SLC24A2: variants seen among roughly 807,000 people sequenced by gnomAD.
SLC24A2 encodes the protein solute carrier family 24 member 2.
In SLC24A2, 36 loss-of-function variants were observed where a neutral mutation model predicts 62.0. The observed-to-expected ratio is 0.58, with a 90% CI of 0.44 to 0.77. The LOEUF (loss-of-function observed/expected upper bound fraction) is 0.77. Among genes scored for constraint, SLC24A2 ranks in the 30% least tolerant of loss-of-function variants. The probability of loss-of-function intolerance (pLI) is 0.00; values close to 1 mark genes in which losing one functional copy is unlikely to be tolerated. For synonymous variants in SLC24A2, 358 were observed against 294.0 expected (o/e 1.22, Z -2.23); for missense variants, 846 against 817.9 (o/e 1.03, Z -0.42).
chr9:19,909,205 C>T, the SLC24A2 span, among the ~76,000 whole-genome samples: 4 of 152,090 alleles, frequency 2.6e-5, no homozygotes, highest in South Asian at 2.1e-4. Flanking sequence ...AGCTGGAAAC[C>T]GTCATTCTCA....
chr9:19,744,766 C>T (rs1315435886), intron 2 of SLC24A2, among the ~76,000 whole-genome samples: 1 of 152,164 alleles, frequency 6.6e-6, no homozygotes, highest in Non-Finnish European at 1.5e-5. Context: ...TTTCACCTAT[C>T]CATCTAAACA....
intron 8 of SLC24A2, among the ~76,000 whole-genome samples, chr9:19,534,960 C>T (rs1833886232): frequency 6.6e-6 from 1 of 152,160 alleles, no homozygotes; most frequent in Admixed American, 6.5e-5. Context: ...GTTGAACTAA[C>T]TTACACCCCC....
the SLC24A2 span, among the ~76,000 whole-genome samples, chr9:20,060,273 G>C: frequency 6.6e-6 from 1 of 151,964 alleles, no homozygotes; most frequent in Non-Finnish European, 1.5e-5. Context: ...CCAAAAAATA[G>C]AAGAGAACGG....
the SLC24A2 span, among the ~76,000 whole-genome samples, chr9:20,218,863 G>A: frequency 1.3e-5 from 2 of 152,224 alleles, no homozygotes; most frequent in South Asian, 4.2e-4. Flanking sequence ...GTCTCATCAG[G>A]CTGCAATCCA....
intron 2 of SLC24A2, among the ~76,000 whole-genome samples, chr9:19,624,080 C>A (rs1021351288): frequency 6.6e-6 from 1 of 152,226 alleles, no homozygotes; most frequent in African/African-American, 2.4e-5. Flanking sequence ...GATCCTGCTT[C>A]TCTCTGGCAG....
the SLC24A2 span, among the ~76,000 whole-genome samples, chr9:20,130,353 G>A: frequency 2.6e-5 from 4 of 151,906 alleles, no homozygotes; most frequent in African/African-American, 9.7e-5. Flanking sequence ...TAGATGGCAC[G>A]ATGGAAAATA....
At chr9:19,526,637 T>C (rs941638641) in intron 9 of SLC24A2, among the ~76,000 whole-genome samples, 2 of 152,210 alleles carry the variant, frequency 1.3e-5, no homozygotes, top group African/African-American at 2.4e-5. Flanking sequence ...TTTTTAGCCA[T>C]CTGCGTATTT....
At chr9:19,987,350 G>C in the SLC24A2 span, among the ~76,000 whole-genome samples, 1 of 152,106 alleles carries the variant, frequency 6.6e-6, no homozygotes. Context: ...TGAAAATATT[G>C]ATAAAACAAG....
the SLC24A2 span, among the ~76,000 whole-genome samples, chr9:19,904,418 CAG>C: frequency 6.6e-6 from 1 of 152,158 alleles, no homozygotes. Context: ...AAGAATTATA[CAG>C]AGACTCAGTT....
In SLC24A2 at chr9:19,516,164, C is replaced by G. The variant is rs138630242; in HGVS notation, c.1975G>C (p.Val659Leu). The change falls in exon 11 of 11, where the codon GTC becomes CTC. Residue 659 changes from valine (V) to leucine (L), a missense_variant. By Grantham distance (32) the Val-to-Leu change is conservative (BLOSUM62 1). Coordinates refer to ENST00000341998, the MANE Select transcript of SLC24A2 (RefSeq NM_020344.4). ...LLEDRILTCPVSI is the reference protein window; with the variant it reads ...LLEDRILTCPLSI Reference sequence around the variant, plus strand: ...TATGGCTTTTCCTGCTAGATGGAGACGGGGCATGTAAGAATTCTGTCTTCT... The same window carrying G: ...TATGGCTTTTCCTGCTAGATGGAGAGGGGGCATGTAAGAATTCTGTCTTCT... The G allele has an allele frequency of 2.9e-5, 47 of 1,613,918 alleles. No individual in the cohort carries two copies. The highest frequency in any genetic ancestry group is 4.0e-5 in the Non-Finnish European group (47 of 1,180,002).
the SLC24A2 span, among the ~76,000 whole-genome samples, chr9:20,141,299 G>A: frequency 1.2e-4 from 19 of 152,064 alleles, no homozygotes; most frequent in African/African-American, 4.1e-4. Context: ...GCCTACGCTC[G>A]CTGTCTTATT....
intron 8 of SLC24A2, among the ~76,000 whole-genome samples, chr9:19,542,421 C>T (rs200364810): frequency 6.6e-6 from 1 of 152,162 alleles, no homozygotes; most frequent in African/African-American, 2.4e-5. Flanking sequence ...CCTAATTGAA[C>T]ACCCTTTGTT....
chr9:20,101,500 A>G, the SLC24A2 span, among the ~76,000 whole-genome samples: 1 of 152,202 alleles, frequency 6.6e-6, no homozygotes, highest in African/African-American at 2.4e-5. Context: ...ATATTAATAT[A>G]TAGACATTAA....
chr9:20,211,119 AAG>A, the SLC24A2 span, among the ~76,000 whole-genome samples: 1 of 152,116 alleles, frequency 6.6e-6, no homozygotes, highest in Non-Finnish European at 1.5e-5. Flanking sequence ...GCAAAAAAAA[AAG>A]AGACAAAGTT....
chr9:20,023,889 G>A, the SLC24A2 span, among the ~76,000 whole-genome samples: 2 of 152,308 alleles, frequency 1.3e-5, no homozygotes, highest in South Asian at 2.1e-4. Context: ...TATGTTTTCC[G>A]AAGAATTAAG....
upstream of SLC24A2, among the ~76,000 whole-genome samples, chr9:19,789,292 C>G (rs893785205): frequency 1.3e-5 from 2 of 152,238 alleles, no homozygotes; most frequent in African/African-American, 4.8e-5. Context: ...GGTGACGCGC[C>G]TAATTCACAA....
chr9:19,616,038 A>ACG (rs1817760580), intron 4 of SLC24A2, among the ~76,000 whole-genome samples: 1 of 144,404 alleles, frequency 6.9e-6, no homozygotes, highest in African/African-American at 2.5e-5. Context: ...ACACACACAC[A>ACG]GTTGCATATG....
At chr9:20,290,319 T>A in the SLC24A2 span, among the ~76,000 whole-genome samples, 1 of 152,360 alleles carries the variant, frequency 6.6e-6, no homozygotes, top group South Asian at 2.1e-4. Context: ...ATTCCCTGCA[T>A]ACCCATCTGC....
chr9:20,095,971 C>A, the SLC24A2 span, among the ~76,000 whole-genome samples: 7 of 152,084 alleles, frequency 4.6e-5, no homozygotes, highest in African/African-American at 1.7e-4. Context: ...CTCCATGATT[C>A]AATTATTTCC....
Sources: allele counts gnomAD v4.1 joint callset (sites outside exome capture counted in the v4.1 genomes callset), GRCh38; gene constraint gnomAD v4.1.1; transcripts MANE v1.5; gene names NCBI Gene and HGNC (gene_info 2026-07-23, HGNC 2026-07-21).